ZNF689: variants seen among roughly 807,000 people sequenced by gnomAD.
ZNF689 encodes the protein zinc finger protein 689.
Under a neutral mutation model 37.2 loss-of-function variants are expected in ZNF689, and 14 were observed. The ratio of observed to expected loss-of-function variants is 0.38; its 90% CI spans 0.25 to 0.59. ZNF689 has a LOEUF of 0.59. Among genes scored for constraint, ZNF689 ranks in the 20% least tolerant of loss-of-function variants. The pLI is 0.68. For missense variants in ZNF689, 573 were observed against 700.2 expected, an observed-to-expected ratio of 0.82 and a Z score of 2.05; for synonymous variants, 277 against 283.3, an observed-to-expected ratio of 0.98 and a Z score of 0.22.
Position 30,605,698 on chromosome 16 carries a change from C to T in ZNF689, c.320-251G>A, listed in dbSNP as rs997536733. On this transcript the variant is annotated intron_variant, in intron 2 of 2. Coordinates refer to ENST00000287461, the MANE Select transcript of ZNF689 (RefSeq NM_138447.3). The surrounding 1 kb of genome is among the most constrained non-coding windows in gnomAD (Gnocchi z 5.1). Reference sequence around the variant, plus strand: ...AATTGAGGCCGGGCACAGTGGATCACGCTTGTAATCGTAAGCACTGGGAGG... The same window carrying T: ...AATTGAGGCCGGGCACAGTGGATCATGCTTGTAATCGTAAGCACTGGGAGG... 3.9e-5 allele frequency among the ~76,000 whole-genome samples: 6 copies of T among 152,152 alleles called. No homozygotes were observed. The highest frequency in any genetic ancestry group is 5.9e-5 in the Non-Finnish European group (4 of 68,024).
At chr16:30,609,808 C>T in intron 1 of ZNF689, 29 bp downstream of exon 1, 1 of 1,582,658 alleles carries the variant, frequency 6.3e-7, no homozygotes, top group South Asian at 1.1e-5. Context: ...CCCTTCGCGC[C>T]CCGCGGCAGC....
At position 30,603,707 on chromosome 16, in the gene ZNF689, G is replaced by C. The variant is rs2052003414; in HGVS notation, c.*557C>G. 3 of 211,650 alleles carry C rather than the reference G, an allele frequency of 1.4e-5. No homozygotes were observed. Among genetic ancestry groups the C allele is most frequent in the Admixed American group, 5.3e-5 (1 of 18,878 alleles). 13.1% of individuals were successfully genotyped at this position (211,650 alleles called of 1,614,324 possible). ...AAGTATTAAACATGTCGTAGGCAAG[G>C]TTTAGAGGAGAATGTGGTACTTAAC... On this transcript the variant is annotated 3_prime_UTR_variant, in exon 3 of 3. Transcript: ENST00000287461.
chr16:30,610,268 G>A lies in ZNF689; in HGVS notation c.-227C>T, dbSNP rs2052084150. 3.5e-6 allele frequency: 2 copies of A among 570,290 alleles called. No individual in the cohort carries two copies. The highest frequency in any genetic ancestry group is 3.0e-5 in the East Asian group (1 of 33,354). The allele number at this position is 570,290 out of a possible 1,614,324, so 35.3% of individuals were successfully genotyped here. A position where few individuals can be genotyped will look rare whatever the true frequency, so the allele number is the denominator to read the frequency against. ...AAAGGCACCGGAAGATGCCTTCGGG[G>A]AAAATGGCGGCGCTGCTACCGCACC... On this transcript the variant is annotated 5_prime_UTR_variant, in exon 1 of 3. Transcript: ENST00000287461.
intron 2 of ZNF689, among the ~76,000 whole-genome samples, chr16:30,607,041 A>G (rs1473475327): frequency 1.3e-5 from 2 of 151,436 alleles, no homozygotes; most frequent in African/African-American, 2.4e-5. Flanking sequence ...ACCTGAGGTC[A>G]GGAGTTCAAG....
At position 30,610,259 on chromosome 16, in the gene ZNF689, G is replaced by A; in HGVS notation, c.-218C>T. The A allele has an allele frequency of 1.7e-6, 1 of 587,420 alleles. No homozygotes were observed. The highest frequency in any genetic ancestry group is 2.3e-5 in the South Asian group (1 of 43,746). The allele number at this position is 587,420 out of a possible 1,614,324, so 36.4% of individuals were successfully genotyped here. A position where few individuals can be genotyped will look rare whatever the true frequency, so the allele number is the denominator to read the frequency against. ...ACTTGGGTGAAAGGCACCGGAAGATGCCTTCGGGGAAAATGGCGGCGCTGC... is the reference window on the plus strand; with the variant it reads ...ACTTGGGTGAAAGGCACCGGAAGATACCTTCGGGGAAAATGGCGGCGCTGC... On this transcript the variant is annotated 5_prime_UTR_variant, in exon 1 of 3. Transcript: ENST00000287461.
chr16:30,609,037 AC>A (rs1228602160), intron 2 of ZNF689, among the ~76,000 whole-genome samples: 15 of 152,164 alleles, frequency 9.9e-5, no homozygotes, highest in Admixed American at 2.0e-4. Context: ...GCTCCCTTCA[AC>A]CAAAACCCAG....
At chr16:30,606,429 C>T (rs963616378) in intron 2 of ZNF689, among the ~76,000 whole-genome samples, 57 of 151,954 alleles carry the variant, frequency 3.8e-4, no homozygotes, top group African/African-American at 1.4e-3. Flanking sequence ...CAAATGTCAC[C>T]TTCCCTATCT....
In ZNF689 at chr16:30,605,656, A is replaced by G. The variant is rs1217191938; in HGVS notation, c.320-209T>C. 6.6e-6 allele frequency among the ~76,000 whole-genome samples: 1 copy of G among 152,142 alleles called. No homozygotes were observed. The highest frequency in any genetic ancestry group is 1.5e-5 in the Non-Finnish European group (1 of 68,018). The stretch of plus-strand genomic sequence containing the variant: ...AGAAGTCTAGGAAGATTTCTCGGAG[A>G]TTAAACTAACTTTAAAAATTGAGGC... On this transcript the variant is annotated intron_variant, in intron 2 of 2. Coordinates refer to ENST00000287461, the MANE Select transcript of ZNF689 (RefSeq NM_138447.3). The surrounding 1 kb of genome is among the most constrained non-coding windows in gnomAD (Gnocchi z 5.1).
In ZNF689 at chr16:30,610,008, C is replaced by T. The variant is rs1157849531; in HGVS notation, c.34G>A (p.Gly12Arg). 5 of 1,605,938 alleles carry T rather than the reference C, an allele frequency of 3.1e-6. No homozygotes were observed. The highest frequency in any genetic ancestry group is 3.4e-6 in the Non-Finnish European group (4 of 1,177,274). ...CGACTGGGTCTGGCCTTTCCTGGTC[C>T]CTGCGCAGGGAGCGGAGCCGAAGGT... is the stretch of plus-strand genomic sequence containing the variant. Reference protein sequence around the residue: ...APPSAPLPAQGPGKARPSRKR... With the variant: ...APPSAPLPAQRPGKARPSRKR... The change falls in exon 1 of 3, where the codon GGA becomes AGA. Residue 12 changes from glycine to arginine, a missense_variant. Physicochemically the swap from Gly to Arg is moderately radical, Grantham distance 125. Transcript: ENST00000287461.
In ZNF689 at chr16:30,610,108, C is replaced by T; in HGVS notation, c.-67G>A. The T allele has an allele frequency of 6.6e-7, 1 of 1,509,152 alleles. No homozygotes were observed. Among genetic ancestry groups the T allele is most frequent in the Non-Finnish European group, 8.9e-7 (1 of 1,128,224 alleles). 93.5% of individuals were successfully genotyped at this position (1,509,152 alleles called of 1,614,324 possible). ...CTCGGCCCTCGGGCGCTGGCGGCCC[C>T]TGGGATCGAGGAGCCCCTGCCGGAC... On this transcript the variant is annotated 5_prime_UTR_variant, in exon 1 of 3. Coordinates refer to ENST00000287461, the MANE Select transcript of ZNF689 (RefSeq NM_138447.3).
At chr16:30,609,668 G>T in intron 1 of ZNF689, 30 bp from the exon 2 acceptor site, 1 of 1,613,596 alleles carries the variant, frequency 6.2e-7, no homozygotes. Flanking sequence ...CAGAAGGCCA[G>T]CTCCTAGATC....
Position 30,605,152 on chromosome 16 carries a change from A to G in ZNF689, c.615T>C (p.Tyr205=), listed in dbSNP as rs746778117. 6.2e-7 allele frequency: 1 copy of G among 1,614,088 alleles called. No individual in the cohort carries two copies. Among genetic ancestry groups the G allele is most frequent in the Non-Finnish European group, 8.5e-7 (1 of 1,180,020 alleles). ...HRRAHSGECP[Y]VCDQCGKRFS... is the part of the protein sequence containing the mutation. ...AACGTTTGCCACACTGGTCACAAAC[A>G]TAGGGGCACTCGCCGGAGTGTGCCC... The change falls in exon 3 of 3, where the codon TAT becomes TAC. Residue 205 remains tyrosine, a synonymous_variant. Coordinates refer to ENST00000287461, the MANE Select transcript of ZNF689 (RefSeq NM_138447.3). This position sits in a 1 kb window ranked among gnomAD's most constrained non-coding sequence, Gnocchi z 5.1.
At position 30,602,728 on chromosome 16, in the gene ZNF689, TGAG is replaced by T. The variant is rs2051989194; in HGVS notation, c.*1533_*1535del. Reference sequence around the variant, plus strand: ...CCCCCAGCTGCTCCCCTGCTTGTGCTGAGATCAGGAGAGCTGTAGGAAGGAGCC... The same window carrying T: ...CCCCCAGCTGCTCCCCTGCTTGTGCTATCAGGAGAGCTGTAGGAAGGAGCC... On this transcript the variant is annotated 3_prime_UTR_variant, in exon 3 of 3. Coordinates refer to ENST00000287461, the MANE Select transcript of ZNF689 (RefSeq NM_138447.3). 1 of 152,180 alleles carries T rather than the reference TGAG, an allele frequency of 6.6e-6. No homozygotes were observed. Among genetic ancestry groups the T allele is most frequent in the Non-Finnish European group, 1.5e-5 (1 of 68,042 alleles). The allele number at this position is 152,180 out of a possible 1,614,324, so 9.4% of individuals were successfully genotyped here. A position where few individuals can be genotyped will look rare whatever the true frequency, so the allele number is the denominator to read the frequency against.
At position 30,604,447 on chromosome 16, in the gene ZNF689, C is replaced by T. The variant is rs1226059001; in HGVS notation, c.1320G>A (p.Gln440=). 3.1e-6 allele frequency: 5 copies of T among 1,612,410 alleles called. No homozygotes were observed. In the South Asian group the frequency reaches 5.5e-5, roughly 18 times the overall value. The change falls in exon 3 of 3, where the codon CAG becomes CAA. Residue 440 remains glutamine, a synonymous_variant. Transcript: ENST00000287461. This position sits in a 1 kb window ranked among gnomAD's most constrained non-coding sequence, Gnocchi z 5.2. ...ACDLCSKRFA[Q]WSHLAQHQLL... is the part of the protein sequence containing the mutation. ...GCTGGTGCTGGGCCAGGTGGCTCCA[C>T]TGAGCAAAACGCTTGGAGCAAAGGT...
chr16:30,603,976 G>A lies in ZNF689; in HGVS notation c.*288C>T, dbSNP rs767977078. On this transcript the variant is annotated 3_prime_UTR_variant, in exon 3 of 3. Coordinates refer to ENST00000287461, the MANE Select transcript of ZNF689 (RefSeq NM_138447.3). Reference sequence around the variant, plus strand: ...CCTGTGTGGACAGACTAGAAAAGCAGACAGCCCCTAAAATAGATGGGGAGA... The same window carrying A: ...CCTGTGTGGACAGACTAGAAAAGCAAACAGCCCCTAAAATAGATGGGGAGA... 1.1e-5 allele frequency: 6 copies of A among 567,200 alleles called. No individual in the cohort carries two copies. The highest frequency in any genetic ancestry group is 9.7e-5 in the South Asian group (6 of 62,026). The allele number at this position is 567,200 out of a possible 1,614,324, so 35.1% of individuals were successfully genotyped here. A position where few individuals can be genotyped will look rare whatever the true frequency, so the allele number is the denominator to read the frequency against.
chr16:30,606,561 G>A (rs577005605), intron 2 of ZNF689, among the ~76,000 whole-genome samples: 1 of 151,328 alleles, frequency 6.6e-6, no homozygotes, highest in East Asian at 2.0e-4. Context: ...GTGCAATGGT[G>A]TGATCTCAGT....
chr16:30,607,179 G>A (rs1033076599), intron 2 of ZNF689, among the ~76,000 whole-genome samples: 2 of 149,074 alleles, frequency 1.3e-5, no homozygotes, highest in Admixed American at 1.3e-4. Flanking sequence ...ATCCTGGGAG[G>A]CGGAGGTTGC....
At position 30,605,683 on chromosome 16, in the gene ZNF689, G is replaced by A. The variant is rs1036458471; in HGVS notation, c.320-236C>T. On this transcript the variant is annotated intron_variant, in intron 2 of 2. Coordinates refer to ENST00000287461, the MANE Select transcript of ZNF689 (RefSeq NM_138447.3). The surrounding 1 kb of genome is among the most constrained non-coding windows in gnomAD (Gnocchi z 5.1). ...TAAACTAACTTTAAAAATTGAGGCC[G>A]GGCACAGTGGATCACGCTTGTAATC... Among the ~76,000 whole-genome samples the A allele has an allele frequency of 3.3e-5, 5 of 152,134 alleles. No individual in the cohort carries two copies. In the East Asian group the frequency reaches 7.7e-4, roughly 23 times the overall value.
intron 2 of ZNF689, among the ~76,000 whole-genome samples, chr16:30,607,148 C>T (rs558587141): frequency 2.1e-5 from 3 of 140,990 alleles, no homozygotes; most frequent in African/African-American, 8.1e-5. Flanking sequence ...TACCCAGAGG[C>T]TGAGGTGGGA....
Sources: gnomAD v4.1 joint callset for allele counts (sites outside exome capture counted in the v4.1 genomes callset) on GRCh38, gnomAD v4.1.1 for gene constraint, Gnocchi (gnomAD v3.1) non-coding constraint, MANE v1.5 for transcripts, NCBI Gene and HGNC (gene_info 2026-07-23, HGNC 2026-07-21) for gene names.